The following NCKAP5 variants were observed in gnomAD, a reference collection of about 807,000 sequenced individuals.
NCKAP5 encodes NCK associated protein 5, also known as nck-associated protein 5.
A neutral mutation model predicts 167.0 loss-of-function variants in NCKAP5; 92 were observed. That is an observed-to-expected ratio of 0.55 (90% CI 0.47 to 0.66). The LOEUF (loss-of-function observed/expected upper bound fraction) is 0.66, where lower values mean the gene tolerates loss of function less well. Among genes scored for constraint, NCKAP5 ranks in the 30% least tolerant of loss-of-function variants. The probability of loss-of-function intolerance (pLI) is 0.00; values close to 1 mark genes in which losing one functional copy is unlikely to be tolerated. For synonymous variants in NCKAP5, 891 were observed against 877.4 expected (o/e 1.02, Z -0.27); for missense variants, 2,378 against 2,315.0 (o/e 1.03, Z -0.56).
chr2:132,784,001 A>G lies in NCKAP5; in HGVS notation c.2810T>C (p.Val937Ala), dbSNP rs576585568. The G allele has an allele frequency of 1.1e-5, 18 of 1,590,308 alleles. No homozygotes were observed. In the African/African-American group the frequency reaches 2.3e-4, roughly 20 times the overall value. The change falls in exon 14 of 20, where the codon GTC becomes GCC. Residue 937 changes from valine to alanine, a missense_variant. By Grantham distance (64) the Val-to-Ala change is moderately conservative. This residue lies in a region of NCKAP5 where 1,325 missense variants were observed against 1,274.5 expected (regional missense o/e 1.04). Coordinates refer to ENST00000409261, the MANE Select transcript of NCKAP5 (RefSeq NM_207363.3). ...PSPPPPPGRS[V>A]SLLARPSYDY... is the part of the protein sequence containing the mutation. The stretch of plus-strand genomic sequence containing the variant: ...ATAGCTGGGCCTGGCCAGCAGGGAG[A>G]CGGACCTGCCTGGAGGGGGCGGAGG...
intron 5 of NCKAP5, among the ~76,000 whole-genome samples, chr2:133,167,541 T>A (rs1007161905): frequency 6.6e-6 from 1 of 152,172 alleles, no homozygotes; most frequent in Non-Finnish European, 1.5e-5. Context: ...TTTTAGAGCA[T>A]CATTTTCAAG....
intron 6 of NCKAP5, among the ~76,000 whole-genome samples, chr2:133,073,226 C>CT (rs144053451): frequency 0.036 from 5,393 of 149,968 alleles, 324 homozygotes; most frequent in African/African-American, 0.12. Context: ...ACAGGGAAAT[C>CT]TTTTTTTTTT....
At chr2:133,224,989 A>T (rs1574430956) in intron 4 of NCKAP5, among the ~76,000 whole-genome samples, 2 of 152,166 alleles carry the variant, frequency 1.3e-5, no homozygotes, top group East Asian at 3.8e-4. Context: ...CTCTCTAAGA[A>T]ACTTGGAATT....
At chr2:133,433,449 A>G (rs1559481374) in intron 3 of NCKAP5, 3 of 152,208 alleles carry the variant, frequency 2.0e-5, no homozygotes, top group Admixed American at 2.0e-4. Context: ...TCTTTATTCT[A>G]TGTATGAATT....
intron 5 of NCKAP5, among the ~76,000 whole-genome samples, chr2:133,139,637 G>A (rs1559182262): frequency 1.3e-5 from 2 of 152,182 alleles, no homozygotes; most frequent in Non-Finnish European, 2.9e-5. Context: ...TCTAAATGAT[G>A]TTTAATCTAA....
chr2:132,804,831 T>C (rs574079805), intron 11 of NCKAP5, among the ~76,000 whole-genome samples: 4 of 152,102 alleles, frequency 2.6e-5, no homozygotes, highest in Admixed American at 2.6e-4. Context: ...CAATGCTACA[T>C]ATATTTCAGG....
In NCKAP5 at chr2:132,994,301, G is replaced by A. The variant is rs547260275; in HGVS notation, c.342-62C>T. The A allele has an allele frequency of 9.8e-5, 120 of 1,220,148 alleles. 1 individual carries two copies. In the African/African-American group the frequency reaches 1.6e-3, roughly 16 times the overall value. The allele number at this position is 1,220,148 out of a possible 1,614,324, so 75.6% of individuals were successfully genotyped here. On this transcript the variant is annotated intron_variant, in intron 6 of 19. Coordinates refer to ENST00000409261, the MANE Select transcript of NCKAP5 (RefSeq NM_207363.3). ...GTTTCTAATTAACACGGATCCACTC[G>A]AGTTGTAGAAATCACTCTTCTATGC...
At chr2:133,207,743 T>C (rs2086018767) in intron 5 of NCKAP5, among the ~76,000 whole-genome samples, 1 of 152,180 alleles carries the variant, frequency 6.6e-6, no homozygotes, top group Admixed American at 6.5e-5. Context: ...AATAAAGCAG[T>C]ACTGCTTTAC....
chr2:133,225,779 C>CTTT (rs1003972708), intron 4 of NCKAP5, among the ~76,000 whole-genome samples: 6,065 of 39,688 alleles, frequency 0.15, 1,908 homozygotes, highest in Non-Finnish European at 0.23. Context: ...ATGCCCTGTT[C>CTTT]TTTTTTTTTT....
chr2:133,163,311 C>T (rs564838718), intron 5 of NCKAP5, among the ~76,000 whole-genome samples: 6 of 152,180 alleles, frequency 3.9e-5, no homozygotes, highest in East Asian at 1.9e-4. Context: ...TGCCTCTACA[C>T]GTACAGACAC....
intron 2 of NCKAP5, among the ~76,000 whole-genome samples, chr2:133,527,432 C>T (rs927576795): frequency 6.6e-6 from 1 of 151,770 alleles, no homozygotes; most frequent in Non-Finnish European, 1.5e-5. Context: ...TACCTAGGAG[C>T]TTTTTTTTCC....
At chr2:133,098,665 A>G (rs796992922) in intron 6 of NCKAP5, among the ~76,000 whole-genome samples, 6 of 152,336 alleles carry the variant, frequency 3.9e-5, no homozygotes, top group African/African-American at 1.4e-4. Context: ...GATGTGTTTT[A>G]CACTCTAGTT....
intron 6 of NCKAP5, among the ~76,000 whole-genome samples, chr2:133,035,390 C>T (rs1179628727): frequency 1.3e-5 from 2 of 151,974 alleles, no homozygotes; most frequent in African/African-American, 4.8e-5. Flanking sequence ...TAGACTTAAT[C>T]TGTACTATCA....
Position 133,359,569 on chromosome 2 carries a change from G to T in NCKAP5, c.70-56459C>A, listed in dbSNP as rs1049325642. Among the ~76,000 whole-genome samples the T allele has an allele frequency of 5.3e-5, 8 of 152,234 alleles. No individual in the cohort carries two copies. The East Asian group carries it at 1.2e-3, about 22-fold the overall frequency. On this transcript the variant is annotated intron_variant, in intron 3 of 19. Transcript: ENST00000409261. ...TATATTTGAATATCTATAAGCAAAA[G>T]TTATTCTATAAATAACATAAGCAGA...
intron 3 of NCKAP5, among the ~76,000 whole-genome samples, chr2:133,305,946 T>C (rs1270223196): frequency 6.6e-6 from 1 of 152,250 alleles, no homozygotes; most frequent in Non-Finnish European, 1.5e-5. Context: ...ATCTTACATA[T>C]ATTTTTTGTT....
chr2:133,322,257 C>T (rs901399917), intron 3 of NCKAP5, among the ~76,000 whole-genome samples: 2 of 152,144 alleles, frequency 1.3e-5, no homozygotes, highest in African/African-American at 2.4e-5. Context: ...AAAACATCAC[C>T]GTTAGCCTAG....
At chr2:132,885,602 A>G (rs1692151401) in intron 8 of NCKAP5, among the ~76,000 whole-genome samples, 1 of 152,216 alleles carries the variant, frequency 6.6e-6, no homozygotes, top group Non-Finnish European at 1.5e-5. Context: ...TTATAAAATC[A>G]AAGAGCATCA....
At chr2:133,087,222 T>C (rs953276259) in intron 6 of NCKAP5, among the ~76,000 whole-genome samples, 1 of 152,246 alleles carries the variant, frequency 6.6e-6, no homozygotes, top group African/African-American at 2.4e-5. Context: ...ATTTACTCTT[T>C]GTAATTGAGT....
intron 5 of NCKAP5, among the ~76,000 whole-genome samples, chr2:133,197,334 T>A (rs10201375): frequency 0.024 from 3,708 of 152,214 alleles, 167 homozygotes; most frequent in African/African-American, 0.086. Context: ...GTGAACACTA[T>A]GGAAAGTCAG....
Sources: allele counts gnomAD v4.1 joint callset (sites outside exome capture counted in the v4.1 genomes callset), GRCh38; gene constraint gnomAD v4.1.1; regional missense constraint gnomAD v4.1.1; transcripts MANE v1.5; gene names NCBI Gene and HGNC (gene_info 2026-07-23, HGNC 2026-07-21).